The following TRIM28 variants were observed in gnomAD, a reference collection of about 807,000 sequenced individuals.
The protein encoded by TRIM28 is transcription intermediary factor 1-beta.
Under a neutral mutation model 87.4 loss-of-function variants are expected in TRIM28, and 8 were observed. That is an observed-to-expected ratio of 0.09 (90% CI 0.05 to 0.17). TRIM28 has a LOEUF of 0.17. Among genes scored for constraint, TRIM28 ranks in the 10% least tolerant of loss-of-function variants. The pLI is 1.00. For synonymous variants in TRIM28, 601 were observed against 454.3 expected (o/e 1.32, Z -4.11); for missense variants, 968 against 1,131.8 (o/e 0.86, Z 2.08).
Position 58,548,298 on chromosome 19 carries a change from A to C in TRIM28, c.1106A>C (p.Tyr369Ser), listed in dbSNP as rs542775782. ...CTCCCTTTCACTCCCAACCAGATCT[A>C]CTTCCAGCTGCACCGGGCCCTCAAG... ...TALLLSKKLIYFQLHRALKMI... is the reference protein window; with the variant it reads ...TALLLSKKLISFQLHRALKMI... Residue 369 changes from tyrosine to serine, a missense_variant, in exon 8 of 17, where the codon TAC becomes TCC. Tyr to Ser is a moderately radical substitution (Grantham distance 144). This residue lies in a region of TRIM28 where 84 missense variants were observed against 139.9 expected (regional missense o/e 0.60). Coordinates refer to ENST00000253024, the MANE Select transcript of TRIM28 (RefSeq NM_005762.3). 6.2e-7 allele frequency: 1 copy of C among 1,614,018 alleles called. No homozygotes were observed. Among genetic ancestry groups the C allele is most frequent in the South Asian group, 1.1e-5 (1 of 91,074 alleles).
rs11546270 is a variant in TRIM28 at position 58,549,399 on chromosome 19, G to A, written c.1731G>A (p.Val577=). The A allele has an allele frequency of 1.9e-6, 3 of 1,593,554 alleles. No homozygotes were observed. The highest frequency in any genetic ancestry group is 1.7e-5 in the Admixed American group (1 of 58,584). Residue 577 remains valine (V), a synonymous_variant, in exon 13 of 17, where the codon GTG becomes GTA. Coordinates refer to ENST00000253024, the MANE Select transcript of TRIM28 (RefSeq NM_005762.3). This position sits in a 1 kb window ranked among gnomAD's most constrained non-coding sequence, Gnocchi z 4.4. ...CTGAGGGCCCTGAGACCAAACCTGT[G>A]CTTATGGCTCTTGCGGAGGGTCCTG... The part of the protein sequence containing the change: ...TATEGPETKP[V]LMALAEGPGA...
Position 58,550,218 on chromosome 19 carries a change from C to T in TRIM28, c.2265C>T (p.Tyr755=), listed in dbSNP as rs1568663442. The part of the protein sequence containing the change: ...ARLQEKLSPP[Y]SSPQEFAQDV... Reference sequence around the variant, plus strand: ...TCCAGGAGAAGTTGTCACCTCCCTACAGCTCCCCACAGGAGTTTGCCCAGG... The same window carrying T: ...TCCAGGAGAAGTTGTCACCTCCCTATAGCTCCCCACAGGAGTTTGCCCAGG... Residue 755 remains tyrosine, a synonymous_variant, in exon 16 of 17, where the codon TAC becomes TAT. Transcript: ENST00000253024. 3.7e-6 allele frequency: 6 copies of T among 1,614,144 alleles called. No individual in the cohort carries two copies. Among genetic ancestry groups the T allele is most frequent in the East Asian group, 2.2e-5 (1 of 44,876 alleles).
rs1199836386 is a variant in TRIM28, at chr19:58,544,958, G to C, written c.201G>C (p.Val67=). Residue 67 remains valine (V), a synonymous_variant, in exon 1 of 17, where the codon GTG becomes GTC. Coordinates refer to ENST00000253024, the MANE Select transcript of TRIM28 (RefSeq NM_005762.3). ...TGGAGCTGCTGGAGCACTGCGGCGT[G>C]TGCAGAGAGCGCCTGCGACCCGAGA... is the stretch of plus-strand genomic sequence containing the variant. ...EALELLEHCG[V]CRERLRPERE... The C allele has an allele frequency of 1.2e-5, 18 of 1,508,866 alleles. No homozygotes were observed. Among genetic ancestry groups the C allele is most frequent in the Non-Finnish European group, 1.6e-5 (18 of 1,138,692 alleles). The allele number at this position is 1,508,866 out of a possible 1,614,324, so 93.5% of individuals were successfully genotyped here.
At chr19:58,545,710 A>G (rs1324976627) in intron 2 of TRIM28, 54 bp from the exon 3 acceptor site, 59 of 1,580,748 alleles carry the variant, frequency 3.7e-5, no homozygotes, top group Non-Finnish European at 5.0e-5. Flanking sequence ...CTGGGATGTA[A>G]ACGTGGATCT....
At position 58,550,188 on chromosome 19, in the gene TRIM28, C is replaced by G; in HGVS notation, c.2235C>G (p.Ala745=). 1 of 1,614,002 alleles carries G rather than the reference C, an allele frequency of 6.2e-7. No homozygotes were observed. Residue 745 remains alanine (A), a synonymous_variant, in exon 16 of 17, where the codon GCC becomes GCG. Transcript: ENST00000253024. ...CCCTGGATCTGACCCTGATCCGTGC[C>G]CGCCTCCAGGAGAAGTTGTCACCTC... ...GGTLDLTLIR[A]RLQEKLSPPY... is the part of the protein sequence containing the mutation.
intron 1 of TRIM28, 142 bp downstream of exon 1, chr19:58,545,239 G>A: frequency 4.2e-6 from 4 of 943,538 alleles, no homozygotes; most frequent in Non-Finnish European, 4.7e-6. Context: ...TCCTGCATAC[G>A]AACGTGGGTT....
chr19:58,550,318 G>A, intron 16 of TRIM28, 34 bp downstream of exon 16: 1 of 1,613,634 alleles, frequency 6.2e-7, no homozygotes, highest in South Asian at 1.1e-5. Context: ...TGTGGGCAGG[G>A]GGAGATGTGA....
At position 58,550,460 on chromosome 19, in the gene TRIM28, C is replaced by A. The variant is rs1222587619; in HGVS notation, c.2415C>A (p.Phe805Leu). 1.2e-6 allele frequency: 2 copies of A among 1,612,420 alleles called. No individual in the cohort carries two copies. The highest frequency in any genetic ancestry group is 1.7e-6 in the Non-Finnish European group (2 of 1,180,010). The change falls in exon 17 of 17, where the codon TTC becomes TTA. Residue 805 changes from phenylalanine to leucine, a missense_variant. By Grantham distance (22) the Phe-to-Leu change is conservative (BLOSUM62 0). This residue lies in a region of TRIM28 where 192 missense variants were observed against 225.6 expected (regional missense o/e 0.85). Transcript: ENST00000253024. ...RMNEAFGDTK[F>L]SAVLVEPPPM... The stretch of plus-strand genomic sequence containing the variant: ...ACGAGGCCTTCGGTGACACCAAGTT[C>A]TCTGCTGTGCTGGTGGAGCCCCCGC...
At chr19:58,547,961 G>A in intron 6 of TRIM28, 55 bp downstream of exon 6, 2 of 1,613,316 alleles carry the variant, frequency 1.2e-6, no homozygotes, top group Non-Finnish European at 1.7e-6. Context: ...GATTGATGAT[G>A]CTGTCTGGGG....
chr19:58,548,802 G>T, intron 10 of TRIM28, 26 bp downstream of exon 10: 3 of 1,614,064 alleles, frequency 1.9e-6, no homozygotes, highest in Non-Finnish European at 2.5e-6. Flanking sequence ...TAGTGGGTGG[G>T]GAAGGGCCCC....
intron 3 of TRIM28, among the ~76,000 whole-genome samples, 196 bp downstream of exon 3, chr19:58,546,092 G>A (rs909854986): frequency 6.6e-5 from 10 of 152,048 alleles, no homozygotes; most frequent in African/African-American, 2.4e-4. Flanking sequence ...GGTGGGAGAG[G>A]GTGGGAAGGG....
At chr19:58,545,298 G>C in intron 1 of TRIM28, 127 bp from the exon 2 acceptor site, 1 of 934,926 alleles carries the variant, frequency 1.1e-6, no homozygotes, top group Non-Finnish European at 1.6e-6. Flanking sequence ...GAGAAAAGAA[G>C]GCTCGGGGAG....
At chr19:58,548,697 G>C in intron 9 of TRIM28, 43 bp from the exon 10 acceptor site, 1 of 1,612,062 alleles carries the variant, frequency 6.2e-7, no homozygotes, top group Non-Finnish European at 8.5e-7. Context: ...GGTCCAGTAG[G>C]GTTCCTGTCC....
At position 58,549,338 on chromosome 19, in the gene TRIM28, A is replaced by C; in HGVS notation, c.1670A>C (p.Glu557Ala). ...CTCATCACCACCTTGCAGGAGGAGG[A>C]GACGGAGGCTGCCATTGGAGCCCCT... The part of the protein sequence containing the change: ...LAGMAIVKEE[E>A]TEAAIGAPPT... Residue 557 changes from glutamate to alanine, a missense_variant, in exon 13 of 17, where the codon GAG becomes GCG. Transcript: ENST00000253024. The surrounding 1 kb of genome is among the most constrained non-coding windows in gnomAD (Gnocchi z 4.4). The C allele has an allele frequency of 6.4e-7, 1 of 1,565,674 alleles. No individual in the cohort carries two copies. Among genetic ancestry groups the C allele is most frequent in the Non-Finnish European group, 8.7e-7 (1 of 1,152,902 alleles).
rs1056744087 is a variant in TRIM28 at position 58,549,763 on chromosome 19, A to G, written c.2009A>G (p.His670Arg). Reference protein sequence around the residue: ...PGEEWSCSLCHVLPDLKEEDG... With the variant: ...PGEEWSCSLCRVLPDLKEEDG... ...GAGGAGTGGAGCTGCTCACTCTGCC[A>G]TGTGCTCCCTGACCTGAAGGAGGAG... The change falls in exon 14 of 17, where the codon CAT (histidine) becomes CGT (arginine). Residue 670 changes from histidine (H) to arginine (R), a missense_variant. Coordinates refer to ENST00000253024, the MANE Select transcript of TRIM28 (RefSeq NM_005762.3). This position sits in a 1 kb window ranked among gnomAD's most constrained non-coding sequence, Gnocchi z 4.4. 10 of 1,611,304 alleles carry G rather than the reference A, an allele frequency of 6.2e-6. No homozygotes were observed. Among genetic ancestry groups the G allele is most frequent in the East Asian group, 2.2e-5 (1 of 44,788 alleles).
At chr19:58,548,950 G>C (rs2053787363) in intron 11 of TRIM28, 38 bp from the exon 12 acceptor site, 1 of 1,614,070 alleles carries the variant, frequency 6.2e-7, no homozygotes, top group Admixed American at 1.7e-5. Flanking sequence ...GTGGATGGAG[G>C]GTGGGGGTGT....
At chr19:58,545,918 T>C in intron 3 of TRIM28, 22 bp downstream of exon 3, 7 of 1,575,310 alleles carry the variant, frequency 4.4e-6, no homozygotes, top group East Asian at 2.3e-5. Context: ...TGAGGGGGGC[T>C]GTTGGAGTTG....
At chr19:58,547,117 T>A in intron 3 of TRIM28, 1 of 465,006 alleles carries the variant, frequency 2.2e-6, no homozygotes, top group East Asian at 3.7e-5. Context: ...TAGACGCTGT[T>A]ATCCTTACCC....
At chr19:58,546,135 G>A (rs1208947470) in intron 3 of TRIM28, among the ~76,000 whole-genome samples, 2 of 152,188 alleles carry the variant, frequency 1.3e-5, no homozygotes, top group Non-Finnish European at 2.9e-5. Context: ...GCTGCAGGGA[G>A]GTACAAAGGG....
Sources: allele counts gnomAD v4.1 joint callset (sites outside exome capture counted in the v4.1 genomes callset), GRCh38; gene constraint gnomAD v4.1.1; regional missense constraint gnomAD v4.1.1; non-coding constraint Gnocchi (gnomAD v3.1); transcripts MANE v1.5; gene names NCBI Gene and HGNC (gene_info 2026-07-23, HGNC 2026-07-21).